COG5: variants seen among roughly 807,000 people sequenced by gnomAD.
COG5 encodes the protein conserved oligomeric Golgi complex subunit 5.
COG5 carries 86 observed loss-of-function variants against 110.4 expected under a neutral mutation model. The observed-to-expected ratio is 0.78, with a 90% CI of 0.65 to 0.93. The LOEUF is 0.93. Among genes scored for constraint, COG5 ranks in the 40% least tolerant of loss-of-function variants. The pLI is 0.00. For synonymous variants in COG5, 360 were observed against 334.6 expected (o/e 1.08, Z -0.83); for missense variants, 1,077 against 987.0 (o/e 1.09, Z -1.22).
chr7:107,319,206 TTA>T (rs1275629083), intron 11 of COG5, among the ~76,000 whole-genome samples: 1 of 152,142 alleles, frequency 6.6e-6, no homozygotes, highest in Non-Finnish European at 1.5e-5. Context: ...ATTTATCTCA[TTA>T]TATGTTATTT....
intron 6 of COG5, among the ~76,000 whole-genome samples, chr7:107,441,255 CAA>C (rs551026030): frequency 4.2e-5 from 3 of 71,334 alleles, no homozygotes; most frequent in Non-Finnish European, 5.2e-5. Flanking sequence ...GACTCCGTCT[CAA>C]AAAAAAAAAA....
At chr7:107,493,622 C>T (rs1431609190) in intron 6 of COG5, among the ~76,000 whole-genome samples, 2 of 152,116 alleles carry the variant, frequency 1.3e-5, no homozygotes, top group African/African-American at 2.4e-5. Flanking sequence ...AATAATGTCA[C>T]CACAAGGCTA....
At chr7:107,262,142 C>G (rs1681800905) in intron 14 of COG5, among the ~76,000 whole-genome samples, 1 of 152,118 alleles carries the variant, frequency 6.6e-6, no homozygotes, top group African/African-American at 2.4e-5. Flanking sequence ...CCACCTACCT[C>G]AGACTCCCAA....
intron 7 of COG5, among the ~76,000 whole-genome samples, chr7:107,406,730 G>T (rs753890326): frequency 6.6e-6 from 1 of 152,144 alleles, no homozygotes; most frequent in South Asian, 2.1e-4. Context: ...TTTCAAAAAC[G>T]TTGGTACTGT....
chr7:107,411,056 G>A (rs186165589), intron 7 of COG5, among the ~76,000 whole-genome samples: 1 of 152,284 alleles, frequency 6.6e-6, no homozygotes, highest in East Asian at 1.9e-4. Context: ...AAACAGTACT[G>A]CTGAAGTCCT....
chr7:107,286,706 C>G (rs1457237512), intron 12 of COG5, among the ~76,000 whole-genome samples: 1 of 152,186 alleles, frequency 6.6e-6, no homozygotes, highest in Non-Finnish European at 1.5e-5. Context: ...CAACGTGGCA[C>G]TTCTCTTGTT....
intron 5 of COG5, among the ~76,000 whole-genome samples, chr7:107,535,037 AT>A (rs1157466785): frequency 1.3e-5 from 2 of 151,702 alleles, no homozygotes; most frequent in Non-Finnish European, 2.9e-5. Context: ...GCACAACTAT[AT>A]AGAAACTGAA....
At chr7:107,313,278 C>A (rs1808438726) in intron 11 of COG5, among the ~76,000 whole-genome samples, 1 of 152,144 alleles carries the variant, frequency 6.6e-6, no homozygotes, top group African/African-American at 2.4e-5. Context: ...TTTATTAAAA[C>A]TGCACCTGCC....
At chr7:107,519,273 T>C (rs919397374) in intron 6 of COG5, among the ~76,000 whole-genome samples, 1 of 151,742 alleles carries the variant, frequency 6.6e-6, no homozygotes, top group Non-Finnish European at 1.5e-5. Context: ...ACCCAAAAGC[T>C]AGCAGAAGAC....
chr7:107,238,938 G>C (rs1229719620), intron 17 of COG5, among the ~76,000 whole-genome samples: 1 of 152,114 alleles, frequency 6.6e-6, no homozygotes, highest in South Asian at 2.1e-4. Flanking sequence ...CAATCCATAG[G>C]TTGTCACTCC....
At chr7:107,544,756 G>A (rs1419231002) in intron 5 of COG5, among the ~76,000 whole-genome samples, 1 of 152,184 alleles carries the variant, frequency 6.6e-6, no homozygotes, top group Admixed American at 6.5e-5. Context: ...CACAATCAGG[G>A]AAACATAACA....
At chr7:107,252,491 A>T (rs916803873) in intron 16 of COG5, among the ~76,000 whole-genome samples, 13 of 152,140 alleles carry the variant, frequency 8.5e-5, no homozygotes, top group African/African-American at 3.1e-4. Context: ...CAAAAACAAA[A>T]ACAAATTCTA....
intron 14 of COG5, among the ~76,000 whole-genome samples, chr7:107,265,395 A>G (rs2116678502): frequency 6.6e-6 from 1 of 152,100 alleles, no homozygotes; most frequent in South Asian, 2.1e-4. Context: ...CTCCCATCTC[A>G]GCTTCCCGAG....
At chr7:107,539,713 T>C (rs935887301) in intron 5 of COG5, among the ~76,000 whole-genome samples, 7 of 152,216 alleles carry the variant, frequency 4.6e-5, no homozygotes. Flanking sequence ...GTGATTATTT[T>C]ATGGTATGTA....
intron 6 of COG5, among the ~76,000 whole-genome samples, chr7:107,417,683 T>C (rs918345033): frequency 3.9e-5 from 6 of 152,162 alleles, no homozygotes; most frequent in African/African-American, 1.4e-4. Context: ...ATGGGAGTAA[T>C]TTAACCACAG....
intron 10 of COG5, among the ~76,000 whole-genome samples, chr7:107,338,655 A>G (rs1037051544): frequency 2.6e-5 from 4 of 152,164 alleles, no homozygotes; most frequent in Non-Finnish European, 5.9e-5. Context: ...ATTTCTATGC[A>G]GTAGAGGAAA....
intron 6 of COG5, among the ~76,000 whole-genome samples, chr7:107,431,262 T>C (rs1177479151): frequency 3.9e-5 from 6 of 152,182 alleles, no homozygotes; most frequent in Non-Finnish European, 8.8e-5. Flanking sequence ...GAGTTTGATA[T>C]AAATGTAGCA....
intron 6 of COG5, among the ~76,000 whole-genome samples, chr7:107,462,746 G>C (rs980995851): frequency 3.3e-5 from 5 of 152,022 alleles, no homozygotes; most frequent in Non-Finnish European, 7.4e-5. Flanking sequence ...GACTATTATA[G>C]TGGATTTATT....
At chr7:107,267,336 T>C (rs80307895) in intron 14 of COG5, among the ~76,000 whole-genome samples, 3 of 152,106 alleles carry the variant, frequency 2.0e-5, no homozygotes, top group Non-Finnish European at 4.4e-5. Flanking sequence ...AAATCTATTA[T>C]CCTCTCTAAG....
Sources: allele counts gnomAD v4.1 joint callset (sites outside exome capture counted in the v4.1 genomes callset), GRCh38; gene constraint gnomAD v4.1.1; transcripts MANE v1.5; gene names NCBI Gene and HGNC (gene_info 2026-07-23, HGNC 2026-07-21).